SLC28A1: variants seen among roughly 807,000 people sequenced by gnomAD.
SLC28A1 encodes sodium/nucleoside cotransporter 1.
Under a neutral mutation model 74.8 loss-of-function variants are expected in SLC28A1, and 64 were observed. The observed-to-expected ratio is 0.86, with a 90% CI of 0.70 to 1.05. The LOEUF is 1.05. Among genes scored for constraint, SLC28A1 ranks in the 50% least tolerant of loss-of-function variants. The pLI is 0.00. For synonymous variants in SLC28A1, 359 were observed against 335.0 expected (o/e 1.07, Z -0.78); for missense variants, 828 against 822.8 (o/e 1.01, Z -0.08).
At chr15:84,913,377 G>A (rs561605578) in intron 9 of SLC28A1, among the ~76,000 whole-genome samples, 5 of 152,242 alleles carry the variant, frequency 3.3e-5, no homozygotes, top group East Asian at 1.9e-4. Context: ...GGAGAGGAGG[G>A]GGCAGGCCAT....
chr15:84,889,007 A>G (rs1869642340), intron 4 of SLC28A1, 147 bp downstream of exon 4: 1 of 650,296 alleles, frequency 1.5e-6, no homozygotes, highest in African/African-American at 1.8e-5. Context: ...GCCAACACGC[A>G]CAGGCACATG....
At chr15:84,966,798 A>G in the SLC28A1 span, among the ~76,000 whole-genome samples, 8 of 152,156 alleles carry the variant, frequency 5.3e-5, no homozygotes, top group Non-Finnish European at 8.8e-5. Flanking sequence ...CCATGATTCA[A>G]TTACCTCCCA....
At chr15:84,957,949 A>G in the SLC28A1 span, among the ~76,000 whole-genome samples, 1 of 152,218 alleles carries the variant, frequency 6.6e-6, no homozygotes, top group Non-Finnish European at 1.5e-5. Flanking sequence ...ATCCATGAAC[A>G]TGGGATGCCT....
intron 9 of SLC28A1, among the ~76,000 whole-genome samples, chr15:84,914,620 A>T (rs888260545): frequency 2.0e-5 from 3 of 152,166 alleles, no homozygotes; most frequent in Non-Finnish European, 4.4e-5. Flanking sequence ...ATGAGGATTC[A>T]TGAGTCCCCA....
intron 10 of SLC28A1, among the ~76,000 whole-genome samples, chr15:84,920,629 G>A (rs1283673791): frequency 2.6e-5 from 4 of 151,968 alleles, no homozygotes; most frequent in African/African-American, 9.7e-5. Flanking sequence ...ATTATGCTAT[G>A]AAAATTTAAA....
intron 15 of SLC28A1, among the ~76,000 whole-genome samples, chr15:84,936,259 G>GTTTGC (rs1567183062): frequency 6.9e-6 from 1 of 144,616 alleles, no homozygotes; most frequent in Non-Finnish European, 1.5e-5. Flanking sequence ...GTTTGGTTTG[G>GTTTGC]TTTGGTTTGG....
In SLC28A1 at chr15:84,943,554, T is replaced by C. The variant is rs202056906; in HGVS notation, c.1663+28T>C. ...GAGTCTAATCAGGGCCTCACCAGTGTCTAGGAGAGTCTGGGACTTGAACTT... is the reference window on the plus strand; with the variant it reads ...GAGTCTAATCAGGGCCTCACCAGTGCCTAGGAGAGTCTGGGACTTGAACTT... On this transcript the variant is annotated intron_variant, in intron 16 of 18. Coordinates refer to ENST00000394573, the MANE Select transcript of SLC28A1 (RefSeq NM_004213.5). 9.7e-6 allele frequency: 15 copies of C among 1,542,574 alleles called. No individual in the cohort carries two copies. The East Asian group carries it at 2.5e-4, about 25-fold the overall frequency.
downstream of SLC28A1, among the ~76,000 whole-genome samples, chr15:84,946,108 A>ATTTTTTT (rs1567196454): frequency 8.1e-4 from 9 of 11,116 alleles, no homozygotes; most frequent in African/African-American, 2.5e-3. Context: ...ATATATATAT[A>ATTTTTTT]TATATTTTTT....
At chr15:84,905,282 A>G (rs1353771821) in intron 7 of SLC28A1, among the ~76,000 whole-genome samples, 2 of 152,182 alleles carry the variant, frequency 1.3e-5, no homozygotes, top group Non-Finnish European at 2.9e-5. Flanking sequence ...TGGCATGCCC[A>G]AGGCTGGTCC....
chr15:84,919,285 G>A (rs901779174), intron 10 of SLC28A1, among the ~76,000 whole-genome samples: 1 of 152,220 alleles, frequency 6.6e-6, no homozygotes, highest in Non-Finnish European at 1.5e-5. Context: ...GCATTGGACA[G>A]CAACAGATAG....
intron 9 of SLC28A1, among the ~76,000 whole-genome samples, chr15:84,917,521 G>T (rs1969282182): frequency 6.6e-6 from 1 of 151,314 alleles, no homozygotes; most frequent in African/African-American, 2.5e-5. Flanking sequence ...CAATCCTCTT[G>T]CCTCAGCCTC....
At chr15:84,946,581 G>C (rs2079239074), downstream of SLC28A1, among the ~76,000 whole-genome samples, 1 of 152,066 alleles carries the variant, frequency 6.6e-6, no homozygotes, top group Admixed American at 6.5e-5. Context: ...GTGGTATAGG[G>C]GTGCCCCGAG....
rs532083083 is a variant in SLC28A1 at position 84,908,837 on chromosome 15, G to A, written c.795+42G>A. ...GTCCCAGAGGCCTTTAGCAGCCACC[G>A]CCCAGCGACTCCAGCTAGAGGGGAG... On this transcript the variant is annotated intron_variant, in intron 9 of 18. Transcript: ENST00000394573. 232 of 1,515,472 alleles carry A rather than the reference G, an allele frequency of 1.5e-4. No individual in the cohort carries two copies. In the East Asian group the frequency reaches 3.7e-3, roughly 24 times the overall value. The allele number at this position is 1,515,472 out of a possible 1,614,324, so 93.9% of individuals were successfully genotyped here.
At chr15:84,965,576 G>T in the SLC28A1 span, among the ~76,000 whole-genome samples, 1 of 152,102 alleles carries the variant, frequency 6.6e-6, no homozygotes, top group African/African-American at 2.4e-5. Context: ...GTGGATGGGG[G>T]CACATAACTA....
chr15:84,898,704 C>G (rs976191567), intron 6 of SLC28A1, among the ~76,000 whole-genome samples: 3 of 152,080 alleles, frequency 2.0e-5, no homozygotes, highest in Non-Finnish European at 4.4e-5. Context: ...GACAAGAGCT[C>G]TTAGATGTTG....
In SLC28A1 at chr15:84,945,169, G is replaced by A. The variant is rs764480311; in HGVS notation, c.1919G>A (p.Arg640Gln). The A allele has an allele frequency of 2.5e-5, 41 of 1,614,068 alleles. No individual in the cohort carries two copies. Among genetic ancestry groups the A allele is most frequent in the Non-Finnish European group, 3.1e-5 (37 of 1,179,992 alleles). ...FSPEALDNCC[R>Q]FYNHTICAQ ...CCAGAGGCCCTGGACAACTGCTGTC[G>A]GTTTTACAACCACACGATCTGTGCA... Residue 640 changes from arginine to glutamine, a missense_variant, in exon 19 of 19, where the codon CGG becomes CAG. By Grantham distance (43) the Arg-to-Gln change is conservative. Transcript: ENST00000394573.
Position 84,898,129 on chromosome 15 carries a change from CTTTT to C in SLC28A1, c.461+3016_461+3019del, listed in dbSNP as rs71135316. ...GGTGTCTTTTCAATATATTGATTTCCTTTTTTTTTTTTTCATATATACCCAGTAG... is the reference window on the plus strand; with the variant it reads ...GGTGTCTTTTCAATATATTGATTTCCTTTTTTTTTCATATATACCCAGTAG... On this transcript the variant is annotated intron_variant, in intron 6 of 18. Transcript: ENST00000394573. Among the ~76,000 whole-genome samples the C allele has an allele frequency of 1.0e-4, 15 of 147,616 alleles. No individual in the cohort carries two copies. The East Asian group carries it at 2.2e-3, about 21-fold the overall frequency.
downstream of SLC28A1, among the ~76,000 whole-genome samples, chr15:84,947,483 A>C (rs925539005): frequency 7.2e-5 from 11 of 152,364 alleles, no homozygotes; most frequent in African/African-American, 2.4e-4. Context: ...CCACTTGAAT[A>C]TAGGGCTCAC....
the SLC28A1 span, among the ~76,000 whole-genome samples, chr15:84,957,160 T>C: frequency 6.6e-6 from 1 of 152,240 alleles, no homozygotes; most frequent in South Asian, 2.1e-4. Context: ...TTTTAGTATA[T>C]TTAGTTGTAC....
Sources: allele counts gnomAD v4.1 joint callset (sites outside exome capture counted in the v4.1 genomes callset), GRCh38; gene constraint gnomAD v4.1.1; transcripts MANE v1.5; gene names NCBI Gene and HGNC (gene_info 2026-07-23, HGNC 2026-07-21).